Variants in ARHGEF18 observed in about 807,000 individuals in gnomAD.
ARHGEF18 encodes the protein Rho/Rac guanine nucleotide exchange factor 18.
In ARHGEF18, 93 loss-of-function variants were observed where a neutral mutation model predicts 155.7. The ratio of observed to expected loss-of-function variants is 0.60; its 90% CI spans 0.50 to 0.71. The LOEUF is 0.71. Among genes scored for constraint, ARHGEF18 ranks in the 30% least tolerant of loss-of-function variants. ARHGEF18 has a pLI of 0.00. For missense variants in ARHGEF18, 1,593 were observed against 1,816.1 expected (o/e 0.88, Z 2.23); for synonymous variants, 742 against 753.1 (o/e 0.99, Z 0.24).
intron 23 of ARHGEF18, 92 bp from the exon 24 acceptor site, chr19:7,466,826 A>AAAG (rs1976642936): frequency 9.5e-7 from 1 of 1,057,230 alleles, no homozygotes; most frequent in South Asian, 1.4e-5. Flanking sequence ...AAAAAAAAAA[A>AAAG]GTTAAAAAAA....
intron 10 of ARHGEF18, among the ~76,000 whole-genome samples, chr19:7,427,726 T>G (rs12462162): frequency 0.54 from 81,020 of 151,374 alleles, 22,010 homozygotes; most frequent in Middle Eastern, 0.74. Flanking sequence ...CAGGCAGATT[T>G]CTTGAGCTCA....
intron 13 of ARHGEF18, among the ~76,000 whole-genome samples, chr19:7,442,702 A>G (rs1269263467): frequency 6.6e-6 from 1 of 152,202 alleles, no homozygotes; most frequent in Non-Finnish European, 1.5e-5. Flanking sequence ...CTATATAGGC[A>G]GCTCTCATAG....
chr19:7,412,310 CGGCCTATGCTAGG>C (rs1972735238), intron 10 of ARHGEF18, among the ~76,000 whole-genome samples: 2 of 115,934 alleles, frequency 1.7e-5, no homozygotes, highest in Admixed American at 1.9e-4. Flanking sequence ...CCACCGCGCC[CGGCCTATGCTAGG>C]GTTTTTAGGA....
chr19:7,423,966 T>C (rs1011523518), intron 10 of ARHGEF18, among the ~76,000 whole-genome samples: 2 of 152,056 alleles, frequency 1.3e-5, no homozygotes, highest in Admixed American at 6.6e-5. Flanking sequence ...TGACACACTA[T>C]TGATTTGGGG....
At chr19:7,473,808 CAAAAAAAAAAAA>C (rs35797777), downstream of ARHGEF18, among the ~76,000 whole-genome samples, 9 of 79,628 alleles carry the variant, frequency 1.1e-4, no homozygotes, top group South Asian at 4.5e-4. Flanking sequence ...GACTCCGTCT[CAAAAAAAAAAAA>C]AAAAAAAAAA....
intron 15 of ARHGEF18, 130 bp downstream of exon 15, chr19:7,447,298 G>A (rs965187185): frequency 3.8e-6 from 3 of 784,218 alleles, no homozygotes; most frequent in Non-Finnish European, 5.6e-6. Flanking sequence ...AGACCGTCCT[G>A]GCCAACATGG....
At chr19:7,361,532 A>G (rs1052437288) in intron 1 of ARHGEF18, among the ~76,000 whole-genome samples, 1 of 152,210 alleles carries the variant, frequency 6.6e-6, no homozygotes, top group Non-Finnish European at 1.5e-5. Flanking sequence ...ACCCAAGACA[A>G]TGGAAAACAC....
intron 3 of ARHGEF18, among the ~76,000 whole-genome samples, chr19:7,375,411 A>AAAGGAAGGAAG (rs1304659406): frequency 2.4e-4 from 24 of 98,510 alleles, no homozygotes; most frequent in Middle Eastern, 4.8e-3. Flanking sequence ...AGGAAGGAAG[A>AAAGGAAGGAAG]AAAGGAAGGA....
chr19:7,414,039 G>A (rs1972846652), intron 10 of ARHGEF18, among the ~76,000 whole-genome samples: 1 of 152,118 alleles, frequency 6.6e-6, no homozygotes, highest in East Asian at 1.9e-4. Context: ...TCCTGCGCGT[G>A]GGTCTAAATC....
rs3030730 is a variant in ARHGEF18 at position 7,466,381 on chromosome 19, C to CA, written c.2905-517dup. Among the ~76,000 whole-genome samples, 167 of 98,508 alleles carry CA rather than the reference C, an allele frequency of 1.7e-3. 2 individuals are homozygous for CA. Among genetic ancestry groups the CA allele is most frequent in the East Asian group, 0.014 (48 of 3,452 alleles). 64.6% of individuals were successfully genotyped at this position (98,508 alleles called of 152,430 possible). On this transcript the variant is annotated intron_variant, in intron 23 of 28. Coordinates refer to ENST00000668164, the MANE Select transcript of ARHGEF18 (RefSeq NM_001367823.1). ...CTGGGCAACGAGCAAAACTCCATCT[C>CA]AAAAAAAAAAAAAAAAAAAATTAAA...
intron 10 of ARHGEF18, among the ~76,000 whole-genome samples, chr19:7,407,352 A>G (rs1359770007): frequency 1.3e-5 from 2 of 151,166 alleles, no homozygotes; most frequent in Non-Finnish European, 2.9e-5. Context: ...CTGGAACCCA[A>G]GAGGTGGGGG....
chr19:7,418,721 C>G (rs1453708221), intron 10 of ARHGEF18, among the ~76,000 whole-genome samples: 5 of 152,054 alleles, frequency 3.3e-5, no homozygotes, highest in African/African-American at 4.8e-5. Flanking sequence ...GATGTCTGTT[C>G]CTAGCACACC....
chr19:7,439,036 T>C (rs1447725611), intron 10 of ARHGEF18, among the ~76,000 whole-genome samples: 3 of 152,068 alleles, frequency 2.0e-5, no homozygotes, highest in Non-Finnish European at 4.4e-5. Context: ...CACGCCCTTC[T>C]AATTTTTGTA....
At chr19:7,375,366 G>GAA (rs1568277045) in intron 3 of ARHGEF18, among the ~76,000 whole-genome samples, 4 of 139,580 alleles carry the variant, frequency 2.9e-5, no homozygotes, top group African/African-American at 7.9e-5. Context: ...AGGAAGGAAG[G>GAA]AAGGAAGGAA....
Position 7,463,887 on chromosome 19 carries a change from G to C in ARHGEF18, c.2705G>C (p.Ser902Thr). 6.2e-7 allele frequency: 1 copy of C among 1,601,204 alleles called. No homozygotes were observed. ...SANGQAEDGG[S>T]STGPPRRAET... ...AACGGCCAGGCGGAAGACGGAGGCA[G>C]CTCCACAGGCCCGCCCAGGAGGGCT... The change falls in exon 22 of 29, where the codon AGC (serine) becomes ACC (threonine). Residue 902 changes from serine (S) to threonine (T), a missense_variant. Coordinates refer to ENST00000668164, the MANE Select transcript of ARHGEF18 (RefSeq NM_001367823.1). This position sits in a 1 kb window ranked among gnomAD's most constrained non-coding sequence, Gnocchi z 5.2.
rs1347150353 is a variant in ARHGEF18, at chr19:7,403,874, G to A, written c.967+20671G>A. On this transcript the variant is annotated intron_variant, in intron 10 of 28. Coordinates refer to ENST00000668164, the MANE Select transcript of ARHGEF18 (RefSeq NM_001367823.1). The stretch of plus-strand genomic sequence containing the variant: ...GAGGTTGGGAGTTCAAGACCTGCCT[G>A]GCCAACATGGCAAAACCTCATGTCT... 9.9e-5 allele frequency among the ~76,000 whole-genome samples: 15 copies of A among 151,990 alleles called. 1 individual carries two copies. Among genetic ancestry groups the A allele is most frequent in the Admixed American group, 8.5e-4 (13 of 15,246 alleles).
rs760943983 is a variant in ARHGEF18 at position 7,462,107 on chromosome 19, G to A, written c.2453-45G>A. On this transcript the variant is annotated intron_variant, in intron 20 of 28. Transcript: ENST00000668164. The surrounding 1 kb of genome is among the most constrained non-coding windows in gnomAD (Gnocchi z 4.4). ...GTCCCCGGGGCTCAGATGATTCCAG[G>A]GAAGGCCGACCCGGCTGACTGCCAC... The A allele has an allele frequency of 6.2e-7, 1 of 1,612,536 alleles. No individual in the cohort carries two copies. The highest frequency in any genetic ancestry group is 1.1e-5 in the South Asian group (1 of 91,016).
In ARHGEF18 at chr19:7,440,602, G is replaced by A. The variant is rs1303595881; in HGVS notation, c.1106+120G>A. The A allele has an allele frequency of 2.0e-5, 25 of 1,277,752 alleles. No homozygotes were observed. Among genetic ancestry groups the A allele is most frequent in the South Asian group, 7.6e-5 (5 of 65,436 alleles). The allele number at this position is 1,277,752 out of a possible 1,614,324, so 79.2% of individuals were successfully genotyped here. ...TGTGTGAATCCACACGGCAGCCCCC[G>A]TGCTAAGCAGAGAAATTCCCATTAA... is the stretch of plus-strand genomic sequence containing the variant. On this transcript the variant is annotated intron_variant, in intron 11 of 28. Coordinates refer to ENST00000668164, the MANE Select transcript of ARHGEF18 (RefSeq NM_001367823.1). The surrounding 1 kb of genome is among the most constrained non-coding windows in gnomAD (Gnocchi z 5.4).
intron 10 of ARHGEF18, among the ~76,000 whole-genome samples, chr19:7,427,118 T>A (rs1405624343): frequency 6.6e-6 from 1 of 152,156 alleles, no homozygotes; most frequent in East Asian, 1.9e-4. Context: ...CCATCTGGCC[T>A]TTTTGCTGTC....
Sources: gnomAD v4.1 joint callset for allele counts (sites outside exome capture counted in the v4.1 genomes callset) on GRCh38, gnomAD v4.1.1 for gene constraint, Gnocchi (gnomAD v3.1) non-coding constraint, MANE v1.5 for transcripts, NCBI Gene and HGNC (gene_info 2026-07-23, HGNC 2026-07-21) for gene names.